DLEU7: variants seen among roughly 807,000 people sequenced by gnomAD.
DLEU7 encodes leukemia-associated protein 7.
DLEU7 carries 17 observed loss-of-function variants against 16.0 expected under a neutral mutation model. The ratio of observed to expected loss-of-function variants is 1.06; its 90% confidence interval spans 0.73 to 1.59. The LOEUF (loss-of-function observed/expected upper bound fraction) is 1.59. Among genes scored for constraint, DLEU7 ranks in the 40% most tolerant of loss-of-function variants. DLEU7 has a pLI of 0.00. For synonymous variants in DLEU7, 113 were observed against 139.8 expected (o/e 0.81, Z 1.35); for missense variants, 308 against 314.9 (o/e 0.98, Z 0.17).
At chr13:50,803,047 GTA>G (rs1876292229) in intron 1 of DLEU7, among the ~76,000 whole-genome samples, 1 of 151,968 alleles carries the variant, frequency 6.6e-6, no homozygotes, top group East Asian at 1.9e-4. Flanking sequence ...ATTTTTACAT[GTA>G]TAACCAATAG....
At chr13:50,765,327 G>A (rs1875068334) in intron 1 of DLEU7, among the ~76,000 whole-genome samples, 1 of 152,132 alleles carries the variant, frequency 6.6e-6, no homozygotes, top group African/African-American at 2.4e-5. Flanking sequence ...TTAATAAGAT[G>A]TTTCTACATG....
chr13:50,745,998 C>G (rs187774837), intron 1 of DLEU7, among the ~76,000 whole-genome samples: 1 of 152,008 alleles, frequency 6.6e-6, no homozygotes, highest in Non-Finnish European at 1.5e-5. Context: ...TTTAGGGAAC[C>G]GTAATGCCTA....
intron 1 of DLEU7, among the ~76,000 whole-genome samples, chr13:50,834,120 A>G (rs532042924): frequency 5.9e-5 from 9 of 152,236 alleles, no homozygotes; most frequent in African/African-American, 2.2e-4. Flanking sequence ...CATTCAGGAC[A>G]TAGGCATGGG....
At chr13:50,788,325 G>A (rs1443892452) in intron 1 of DLEU7, among the ~76,000 whole-genome samples, 1 of 152,168 alleles carries the variant, frequency 6.6e-6, no homozygotes, top group African/African-American at 2.4e-5. Flanking sequence ...GAGAGGGGGT[G>A]GAAATGTGGG....
chr13:50,758,476 T>A (rs978333035), intron 1 of DLEU7, among the ~76,000 whole-genome samples: 1 of 152,212 alleles, frequency 6.6e-6, no homozygotes, highest in East Asian at 1.9e-4. Flanking sequence ...ACAGTTTCCG[T>A]GAGTCAGGAA....
intron 1 of DLEU7, among the ~76,000 whole-genome samples, chr13:50,791,010 C>T (rs971375455): frequency 9.9e-5 from 15 of 152,014 alleles, no homozygotes; most frequent in African/African-American, 3.1e-4. Flanking sequence ...TGATTCTGGA[C>T]GGTGGCTTGT....
intron 1 of DLEU7, among the ~76,000 whole-genome samples, chr13:50,796,071 A>AT (rs966836024): frequency 8.0e-6 from 1 of 124,770 alleles, no homozygotes; most frequent in Non-Finnish European, 1.7e-5. Flanking sequence ...CAGGATATAT[A>AT]TAATATTCCC....
chr13:50,815,912 G>A (rs1174356846), intron 1 of DLEU7, among the ~76,000 whole-genome samples: 3 of 123,488 alleles, frequency 2.4e-5, no homozygotes, highest in South Asian at 2.3e-4. Context: ...TTCAAGAACA[G>A]GAAATATTCT....
At chr13:50,777,801 T>C (rs766332619) in intron 1 of DLEU7, among the ~76,000 whole-genome samples, 10 of 152,206 alleles carry the variant, frequency 6.6e-5, no homozygotes, top group Non-Finnish European at 1.3e-4. Context: ...AGGAGAGAGC[T>C]TTAGTTTATG....
At chr13:50,795,664 C>T (rs1323886736) in intron 1 of DLEU7, among the ~76,000 whole-genome samples, 1 of 152,112 alleles carries the variant, frequency 6.6e-6, no homozygotes, top group Non-Finnish European at 1.5e-5. Flanking sequence ...ATGTATGTTA[C>T]ACATATTTGT....
At chr13:50,832,799 G>A (rs1296832770) in intron 1 of DLEU7, among the ~76,000 whole-genome samples, 1 of 152,168 alleles carries the variant, frequency 6.6e-6, no homozygotes, top group African/African-American at 2.4e-5. Flanking sequence ...TTCTGAGTGA[G>A]TTTCTTAATC....
intron 1 of DLEU7, among the ~76,000 whole-genome samples, chr13:50,744,614 A>T (rs183866959): frequency 2.6e-5 from 4 of 152,360 alleles, no homozygotes; most frequent in Admixed American, 2.6e-4. Flanking sequence ...GTTTATAGAA[A>T]GGCAGAGTGA....
chr13:50,748,561 G>A (rs1050662335), intron 1 of DLEU7, among the ~76,000 whole-genome samples: 1 of 152,064 alleles, frequency 6.6e-6, no homozygotes, highest in African/African-American at 2.4e-5. Context: ...AGAGTCACAA[G>A]CCATGCGGGT....
chr13:50,766,363 T>C (rs1289750776), intron 1 of DLEU7, among the ~76,000 whole-genome samples: 1 of 152,202 alleles, frequency 6.6e-6, no homozygotes, highest in African/African-American at 2.4e-5. Context: ...TGCTGGGCTC[T>C]TAGCAGACTG....
At chr13:50,786,743 G>T (rs1875803082) in intron 1 of DLEU7, among the ~76,000 whole-genome samples, 1 of 152,158 alleles carries the variant, frequency 6.6e-6, no homozygotes, top group South Asian at 2.1e-4. Context: ...TTAACTCTTT[G>T]TGTGAGTTAA....
chr13:50,712,439 T>A (rs929442509), exon 2 of DLEU7: 2 of 152,346 alleles, frequency 1.3e-5, no homozygotes, highest in East Asian at 3.9e-4. Context: ...AGTTCAACTT[T>A]CTTTCTCGGT....
chr13:50,816,471 C>T (rs981574906), intron 1 of DLEU7, among the ~76,000 whole-genome samples: 3 of 152,030 alleles, frequency 2.0e-5, no homozygotes, highest in African/African-American at 7.2e-5. Context: ...CGTCTGTTAA[C>T]TTTATTTATG....
intron 1 of DLEU7, among the ~76,000 whole-genome samples, chr13:50,786,664 C>T (rs1277976692): frequency 6.6e-6 from 1 of 152,102 alleles, no homozygotes; most frequent in African/African-American, 2.4e-5. Flanking sequence ...TGGGCAAACC[C>T]CATAATTTCT....
Position 50,743,136 on chromosome 13 carries a change from AAGAG to A in DLEU7, c.460-29900_460-29897del, listed in dbSNP as rs35675993. 1.4e-3 allele frequency among the ~76,000 whole-genome samples: 216 copies of A among 150,238 alleles called. 1 individual carries two copies. The highest frequency in any genetic ancestry group is 6.9e-3 in the Middle Eastern group (2 of 290). On this transcript the variant is annotated intron_variant, in intron 1 of 1. Coordinates refer to the DLEU7 transcript ENST00000400393. ...AATCATTAATGGAATCTGTAAGAAA[AAGAG>A]AGAGAGAGAGAGAGAGAATGAAAGA...
Sources: allele counts gnomAD v4.1 joint callset (sites outside exome capture counted in the v4.1 genomes callset), GRCh38; gene constraint gnomAD v4.1.1; transcripts MANE v1.5; gene names NCBI Gene and HGNC (gene_info 2026-07-23, HGNC 2026-07-21).